The following SLC10A7 variants were observed in gnomAD, a reference collection of about 807,000 sequenced individuals.
SLC10A7 encodes solute carrier family 10 member 7, also known as sodium/bile acid cotransporter 7.
Under a neutral mutation model 43.2 loss-of-function variants are expected in SLC10A7, and 29 were observed. The ratio of observed to expected loss-of-function variants is 0.67; its 90% CI spans 0.50 to 0.92. SLC10A7 has a LOEUF of 0.92. Among genes scored for constraint, SLC10A7 ranks in the 40% least tolerant of loss-of-function variants. The pLI is 0.00. For synonymous variants in SLC10A7, 152 were observed against 144.8 expected (o/e 1.05, Z -0.35); for missense variants, 295 against 403.2 (o/e 0.73, Z 2.30).
chr4:146,291,565 T>A (rs940548402), intron 9 of SLC10A7, among the ~76,000 whole-genome samples: 4 of 152,332 alleles, frequency 2.6e-5, no homozygotes, highest in South Asian at 2.1e-4. Flanking sequence ...GGCTTTGCAA[T>A]CTGGCTCAAG....
At chr4:146,293,078 A>G (rs1219293078) in intron 8 of SLC10A7, 98 bp from the exon 9 acceptor site, 3 of 713,490 alleles carry the variant, frequency 4.2e-6, no homozygotes, top group South Asian at 4.1e-5. Flanking sequence ...TATAGGAACT[A>G]AAAAAGAAAA....
intron 5 of SLC10A7, among the ~76,000 whole-genome samples, chr4:146,338,427 C>G (rs1180490486): frequency 6.6e-6 from 1 of 151,822 alleles, no homozygotes. Flanking sequence ...TCAGAATTCC[C>G]AAGCAGTAAG....
At chr4:146,300,962 T>G (rs1033591371) in intron 7 of SLC10A7, among the ~76,000 whole-genome samples, 2 of 152,140 alleles carry the variant, frequency 1.3e-5, no homozygotes, top group Admixed American at 6.5e-5. Flanking sequence ...TTTATACATC[T>G]TACACCCTAC....
At chr4:146,509,694 C>T (rs1463508012) in intron 3 of SLC10A7, among the ~76,000 whole-genome samples, 1 of 152,126 alleles carries the variant, frequency 6.6e-6, no homozygotes, top group Non-Finnish European at 1.5e-5. Context: ...CGTCGTAAAA[C>T]CACAGGATGA....
Position 146,509,983 on chromosome 4 carries a change from A to G in SLC10A7, c.250T>C (p.Phe84Leu). The change falls in exon 3 of 12, where the codon TTC becomes CTC. Residue 84 changes from phenylalanine to leucine, a missense_variant. This residue lies in a region of SLC10A7 where 242 missense variants were observed against 362.5 expected (regional missense o/e 0.67). Transcript: ENST00000335472. Reference sequence around the variant, plus strand: ...AGAAAAAGCCATATTGTTGCTGGGAAGAATGCAAGAGTAAAGATCTGAATA... The same window carrying G: ...AGAAAAAGCCATATTGTTGCTGGGAGGAATGCAAGAGTAAAGATCTGAATA... Reference protein sequence around the residue: ...LFIQIFTLAFFPATIWLFLQL... With the variant: ...LFIQIFTLAFLPATIWLFLQL... The G allele has an allele frequency of 2.5e-6, 4 of 1,613,892 alleles. No individual in the cohort carries two copies. The highest frequency in any genetic ancestry group is 3.4e-6 in the Non-Finnish European group (4 of 1,179,870).
chr4:146,299,829 T>C (rs2111222989), intron 7 of SLC10A7, among the ~76,000 whole-genome samples: 1 of 152,262 alleles, frequency 6.6e-6, no homozygotes, highest in African/African-American at 2.4e-5. Context: ...CCAATGTGTA[T>C]TGCTCTCTGA....
intron 7 of SLC10A7, among the ~76,000 whole-genome samples, chr4:146,297,804 CA>C (rs1230367663): frequency 2.0e-5 from 3 of 151,866 alleles, no homozygotes; most frequent in Admixed American, 6.6e-5. Flanking sequence ...AAACACTTGG[CA>C]AAAAAACATA....
Position 146,283,191 on chromosome 4 carries a change from C to G in SLC10A7, c.847+1G>C. On this transcript the variant is annotated splice_donor_variant, in intron 10 of 11. Transcript: ENST00000335472. LOFTEE classifies it high-confidence loss of function. The stretch of plus-strand genomic sequence containing the variant: ...GGTTTTTAACTCTGTGAATCACTTA[C>G]CCAATGTAAGGGATTTGTGTGTAGA... 6.2e-7 allele frequency: 1 copy of G among 1,611,432 alleles called. No homozygotes were observed. Among genetic ancestry groups the G allele is most frequent in the East Asian group, 2.2e-5 (1 of 44,834 alleles).
intron 10 of SLC10A7, among the ~76,000 whole-genome samples, chr4:146,281,888 A>C (rs1391630372): frequency 6.6e-6 from 1 of 152,208 alleles, no homozygotes; most frequent in African/African-American, 2.4e-5. Context: ...CATGTAGTCC[A>C]CATCAATCTA....
intron 3 of SLC10A7, among the ~76,000 whole-genome samples, chr4:146,509,297 T>A (rs535326918): frequency 3.0e-4 from 46 of 152,306 alleles, no homozygotes; most frequent in Admixed American, 8.5e-4. Flanking sequence ...ATAACTTGAA[T>A]CAATGAATAT....
chr4:146,344,057 C>T (rs551030890), intron 5 of SLC10A7, among the ~76,000 whole-genome samples: 8 of 151,972 alleles, frequency 5.3e-5, no homozygotes, highest in South Asian at 2.1e-4. Context: ...ATTTCTGACC[C>T]GGAAGAGACC....
chr4:146,463,094 A>G (rs777371295), intron 4 of SLC10A7, among the ~76,000 whole-genome samples: 1 of 152,196 alleles, frequency 6.6e-6, no homozygotes, highest in Non-Finnish European at 1.5e-5. Context: ...GTTGAAGTAA[A>G]ATAAAGAAAT....
chr4:146,435,677 AT>A (rs1342750218), intron 5 of SLC10A7, among the ~76,000 whole-genome samples: 17 of 152,148 alleles, frequency 1.1e-4, no homozygotes, highest in Admixed American at 1.1e-3. Flanking sequence ...AATAAGAACT[AT>A]TTGCCACATT....
intron 7 of SLC10A7, among the ~76,000 whole-genome samples, chr4:146,304,335 A>C (rs1731383999): frequency 6.6e-6 from 1 of 151,754 alleles, no homozygotes; most frequent in Non-Finnish European, 1.5e-5. Flanking sequence ...AAACACGGAG[A>C]CCTTATCAAA....
Position 146,399,025 on chromosome 4 carries a change from A to G in SLC10A7, c.435+43758T>C, listed in dbSNP as rs554351623. 8.5e-5 allele frequency among the ~76,000 whole-genome samples: 13 copies of G among 152,348 alleles called. No homozygotes were observed. The East Asian group carries it at 2.3e-3, about 27-fold the overall frequency. ...ACTTTTAATAGTGGTAACCTAGCTG[A>G]TAAGAGAATAAACAGGGTAATGTGA... On this transcript the variant is annotated intron_variant, in intron 5 of 11. Transcript: ENST00000335472.
intron 4 of SLC10A7, among the ~76,000 whole-genome samples, chr4:146,493,294 A>G (rs903514201): frequency 1.3e-5 from 2 of 152,252 alleles, no homozygotes; most frequent in Non-Finnish European, 2.9e-5. Flanking sequence ...CCTGATATTT[A>G]AAATATAACT....
At chr4:146,464,476 C>A (rs1360496969) in intron 4 of SLC10A7, among the ~76,000 whole-genome samples, 1 of 151,742 alleles carries the variant, frequency 6.6e-6, no homozygotes, top group Non-Finnish European at 1.5e-5. Context: ...ATATTATATA[C>A]CATACAAGAA....
chr4:146,266,910 A>C (rs143707344), intron 10 of SLC10A7, among the ~76,000 whole-genome samples: 6 of 152,312 alleles, frequency 3.9e-5, no homozygotes, highest in East Asian at 1.9e-4. Flanking sequence ...ATAAAGAATA[A>C]AATAATATAA....
At chr4:146,410,361 T>G (rs1207859711) in intron 5 of SLC10A7, among the ~76,000 whole-genome samples, 2 of 152,138 alleles carry the variant, frequency 1.3e-5, no homozygotes, top group African/African-American at 4.8e-5. Flanking sequence ...AACACTCAAA[T>G]GCAGCTCTAC....
Sources: gnomAD v4.1 joint callset for allele counts (sites outside exome capture counted in the v4.1 genomes callset) on GRCh38, gnomAD v4.1.1 for gene constraint, gnomAD v4.1.1 regional missense constraint, MANE v1.5 for transcripts, NCBI Gene and HGNC (gene_info 2026-07-23, HGNC 2026-07-21) for gene names.